Variants in PCDHGA3 observed in about 807,000 individuals in gnomAD.
PCDHGA3 encodes the protein protocadherin gamma subfamily A, 3, also known as protocadherin gamma-A3.
Under a neutral mutation model 58.5 loss-of-function variants are expected in PCDHGA3, and 40 were observed. That is an observed-to-expected ratio of 0.68 (90% CI 0.53 to 0.89). The LOEUF (loss-of-function observed/expected upper bound fraction) is 0.89. PCDHGA3 is among the 40% of genes least tolerant of loss of function. The pLI, the probability that PCDHGA3 is intolerant of heterozygous loss-of-function variation, is 0.00. For synonymous variants in PCDHGA3, 530 were observed against 525.7 expected (o/e 1.01, Z -0.11); for missense variants, 1,223 against 1,195.9 (o/e 1.02, Z -0.33).
chr5:141,467,129 T>G (rs2099137740), intron 1 of PCDHGA3, among the ~76,000 whole-genome samples: 1 of 151,826 alleles, frequency 6.6e-6, no homozygotes, highest in Non-Finnish European at 1.5e-5. Context: ...CTCAGCTCAC[T>G]GCAACCTCTG....
At position 141,409,990 on chromosome 5, in the gene PCDHGA3, C is replaced by G. The variant is rs377295503; in HGVS notation, c.2424+63533C>G. On this transcript the variant is annotated intron_variant, in intron 1 of 3. Transcript: ENST00000253812. The stretch of plus-strand genomic sequence containing the variant: ...TGACTAAGGTGGTAGCGGTGGACGC[C>G]GACTCGGGACACAACGCCTGGCTGT... 2.7e-5 allele frequency: 44 copies of G among 1,613,278 alleles called. No homozygotes were observed. The African/African-American group carries it at 5.3e-4, about 20-fold the overall frequency.
At chr5:141,478,926 G>A in intron 1 of PCDHGA3, 1 of 687,216 alleles carries the variant, frequency 1.5e-6, no homozygotes, top group Non-Finnish European at 2.3e-6. Flanking sequence ...CTAACCAGTG[G>A]CAGCTTCTAG....
At chr5:141,383,393 A>G in intron 1 of PCDHGA3, 1 of 1,613,922 alleles carries the variant, frequency 6.2e-7, no homozygotes, top group Non-Finnish European at 8.5e-7. Context: ...GTGGGCACGA[A>G]CTCCCTCCAG....
chr5:141,418,151 G>A (rs1276817622), intron 1 of PCDHGA3: 4 of 1,613,990 alleles, frequency 2.5e-6, no homozygotes, highest in East Asian at 4.5e-5. Context: ...AATATGCAAA[G>A]AGAGAAGAAG....
intron 1 of PCDHGA3, chr5:141,416,195 CAATT>C (rs1181982521): frequency 6.6e-6 from 1 of 152,322 alleles, no homozygotes; most frequent in African/African-American, 2.4e-5. Flanking sequence ...ATTGAATTAA[CAATT>C]TATTTATAAC....
chr5:141,357,722 C>A, intron 1 of PCDHGA3: 1 of 1,415,030 alleles, frequency 7.1e-7, no homozygotes, highest in Non-Finnish European at 9.5e-7. Context: ...AAAGTTGCCT[C>A]TTTTAATATT....
At chr5:141,350,724 A>AAG in intron 1 of PCDHGA3, 2 of 1,613,990 alleles carry the variant, frequency 1.2e-6, no homozygotes, top group South Asian at 2.2e-5. Context: ...GATTCTGCTC[A>AAG]AGATGCAGAT....
At chr5:141,421,267 C>A in intron 1 of PCDHGA3, 1 of 1,611,374 alleles carries the variant, frequency 6.2e-7, no homozygotes, top group South Asian at 1.1e-5. Flanking sequence ...CAGTCGGCTG[C>A]TGCTGCTGCT....
Position 141,456,287 on chromosome 5 carries a change from C to A in PCDHGA3, c.2425-38520C>A, listed in dbSNP as rs951430060. On this transcript the variant is annotated intron_variant, in intron 1 of 3. Transcript: ENST00000253812. ...CTGGCTACTTCCTGCTGAAAAGGGGCGTCTAATGGAGAACAGCAGCTAGGG... is the reference window on the plus strand; with the variant it reads ...CTGGCTACTTCCTGCTGAAAAGGGGAGTCTAATGGAGAACAGCAGCTAGGG... Among the ~76,000 whole-genome samples, 11 of 152,166 alleles carry A rather than the reference C, an allele frequency of 7.2e-5. No individual in the cohort carries two copies. In the East Asian group the frequency reaches 1.9e-3, roughly 27 times the overall value.
chr5:141,376,144 G>C, intron 1 of PCDHGA3: 1 of 1,613,918 alleles, frequency 6.2e-7, no homozygotes, highest in Non-Finnish European at 8.5e-7. Context: ...CCAACGATTC[G>C]GACCTCACTC....
chr5:141,421,713 T>G, intron 1 of PCDHGA3: 1 of 1,613,932 alleles, frequency 6.2e-7, no homozygotes, highest in South Asian at 1.1e-5. Flanking sequence ...GGGATCCAGA[T>G]GTGGGCGTGA....
At chr5:141,503,745 G>A (rs1377110427) in intron 2 of PCDHGA3, among the ~76,000 whole-genome samples, 3 of 152,220 alleles carry the variant, frequency 2.0e-5, no homozygotes, top group South Asian at 2.1e-4. Flanking sequence ...ATGGTATAGA[G>A]GTCACACATG....
intron 1 of PCDHGA3, chr5:141,370,526 C>A: frequency 1.2e-6 from 2 of 1,613,860 alleles, no homozygotes; most frequent in Non-Finnish European, 8.5e-7. Flanking sequence ...TGGACAGGGG[C>A]TCGCTGGTAG....
chr5:141,487,475 C>A lies in PCDHGA3; in HGVS notation c.2425-7332C>A. 6.2e-7 allele frequency: 1 copy of A among 1,614,156 alleles called. No individual in the cohort carries two copies. The highest frequency in any genetic ancestry group is 8.5e-7 in the Non-Finnish European group (1 of 1,180,032). On this transcript the variant is annotated intron_variant, in intron 1 of 3. Transcript: ENST00000253812. This position sits in a 1 kb window ranked among gnomAD's most constrained non-coding sequence, Gnocchi z 5.0. ...TATCAAGTTTGTTGATGTGGGAGGC[C>A]ACTCTCATGGCTGTACACCCTTGGC...
At chr5:141,423,567 C>T (rs771827702) in intron 1 of PCDHGA3, 4 of 1,613,602 alleles carry the variant, frequency 2.5e-6, no homozygotes, top group Admixed American at 1.7e-5. Flanking sequence ...GGGACACGCT[C>T]ATCAGCCAGG....
At chr5:141,372,401 A>G (rs1248362001) in intron 1 of PCDHGA3, 2 of 1,613,384 alleles carry the variant, frequency 1.2e-6, no homozygotes, top group Admixed American at 3.3e-5. Context: ...ATAGCTTGCA[A>G]GAGATACAAC....
rs368850413 is a variant in PCDHGA3, at chr5:141,400,711, C to T, written c.2424+54254C>T. 8.7e-6 allele frequency: 6 copies of T among 691,160 alleles called. No individual in the cohort carries two copies. The African/African-American group carries it at 9.0e-5, about 10-fold the overall frequency. The allele number at this position is 691,160 out of a possible 1,614,324, so 42.8% of individuals were successfully genotyped here. On this transcript the variant is annotated intron_variant, in intron 1 of 3. Coordinates refer to ENST00000253812, the MANE Select transcript of PCDHGA3 (RefSeq NM_018916.4). Reference sequence around the variant, plus strand: ...TTTTATGTCGCATAAAAGAAGTAGCCTTATAGATTTACAAAGTAGTGAGAG... The same window carrying T: ...TTTTATGTCGCATAAAAGAAGTAGCTTTATAGATTTACAAAGTAGTGAGAG...
At chr5:141,375,802 T>G (rs754541889) in intron 1 of PCDHGA3, 15 of 1,614,072 alleles carry the variant, frequency 9.3e-6, no homozygotes, top group East Asian at 2.2e-5. Flanking sequence ...ACGGTTCCAC[T>G]GGCGTGGAGC....
At chr5:141,381,512 A>T (rs1777240689) in intron 1 of PCDHGA3, among the ~76,000 whole-genome samples, 1 of 152,218 alleles carries the variant, frequency 6.6e-6, no homozygotes, top group Non-Finnish European at 1.5e-5. Context: ...ATAGAGTAGG[A>T]TGAAGATTTG....
Sources: gnomAD v4.1 joint callset for allele counts (sites outside exome capture counted in the v4.1 genomes callset) on GRCh38, gnomAD v4.1.1 for gene constraint, Gnocchi (gnomAD v3.1) non-coding constraint, MANE v1.5 for transcripts, NCBI Gene and HGNC (gene_info 2026-07-23, HGNC 2026-07-21) for gene names.